The following CLIC6 variants were observed in gnomAD, a reference collection of about 807,000 sequenced individuals.
The protein encoded by CLIC6 is CLIC family member 6, also known as chloride intracellular channel protein 6.
In CLIC6, 39 loss-of-function variants were observed where a neutral mutation model predicts 49.2. The ratio of observed to expected loss-of-function variants is 0.79; its 90% CI spans 0.61 to 1.04. The LOEUF is 1.04. Among genes scored for constraint, CLIC6 ranks in the 50% least tolerant of loss-of-function variants. The probability of loss-of-function intolerance (pLI) is 0.00; values close to 1 mark genes in which losing one functional copy is unlikely to be tolerated. For synonymous variants in CLIC6, 446 were observed against 433.4 expected, an observed-to-expected ratio of 1.03 and a Z score of -0.36; for missense variants, 988 against 993.1, an observed-to-expected ratio of 0.99 and a Z score of 0.07.
chr21:34,708,138 C>A, intron 3 of CLIC6, 69 bp downstream of exon 3: 1 of 1,575,324 alleles, frequency 6.3e-7, no homozygotes, highest in Non-Finnish European at 8.7e-7. Context: ...AGTTCTAAAG[C>A]TCTGGGCAGT....
chr21:34,712,935 G>A (rs1375442828), intron 5 of CLIC6, among the ~76,000 whole-genome samples: 2 of 152,142 alleles, frequency 1.3e-5, no homozygotes, highest in Admixed American at 1.3e-4. Context: ...ACTCTAATGT[G>A]TCTCTCTGGG....
At chr21:34,693,689 G>A (rs1338028750) in intron 1 of CLIC6, among the ~76,000 whole-genome samples, 5 of 152,308 alleles carry the variant, frequency 3.3e-5, no homozygotes, top group East Asian at 1.9e-4. Context: ...TCCATTAGAA[G>A]CTGTGGCCCC....
chr21:34,679,214 G>A (rs910719985), intron 1 of CLIC6, among the ~76,000 whole-genome samples: 1 of 152,204 alleles, frequency 6.6e-6, no homozygotes, highest in African/African-American at 2.4e-5. Context: ...ACGGCAGAAG[G>A]GGAAGCAAAC....
chr21:34,679,466 A>G (rs1989735625), intron 1 of CLIC6, among the ~76,000 whole-genome samples: 1 of 152,116 alleles, frequency 6.6e-6, no homozygotes, highest in South Asian at 2.1e-4. Flanking sequence ...GCCCCTCCCA[A>G]ATCTCATGTC....
Position 34,670,463 on chromosome 21 carries a change from G to A in CLIC6, c.1075G>A (p.Val359Ile). 2.0e-6 allele frequency: 3 copies of A among 1,489,826 alleles called. No individual in the cohort carries two copies. Among genetic ancestry groups the A allele is most frequent in the Non-Finnish European group, 2.7e-6 (3 of 1,119,616 alleles). The allele number at this position is 1,489,826 out of a possible 1,614,324, so 92.3% of individuals were successfully genotyped here. A position where few individuals can be genotyped will look rare whatever the true frequency, so the allele number is the denominator to read the frequency against. The change falls in exon 1 of 6, where the codon GTA (valine) becomes ATA (isoleucine). Residue 359 changes from valine (V) to isoleucine (I), a missense_variant. Transcript: ENST00000349499. ...DARADAGEDRVGDGPQQEPGE... is the reference protein window; with the variant it reads ...DARADAGEDRIGDGPQQEPGE... ...AAGGGCAGACGCTGGCGAGGACAGGGTAGGGGATGGGCCACAGCAGGAGCC... is the reference window on the plus strand; with the variant it reads ...AAGGGCAGACGCTGGCGAGGACAGGATAGGGGATGGGCCACAGCAGGAGCC...
At chr21:34,705,085 G>A (rs1035911036) in intron 1 of CLIC6, among the ~76,000 whole-genome samples, 9 of 152,266 alleles carry the variant, frequency 5.9e-5, no homozygotes, top group East Asian at 1.9e-4. Context: ...GCCCCACTTC[G>A]CAGAACTTAT....
chr21:34,706,241 G>T (rs556815793), intron 1 of CLIC6, among the ~76,000 whole-genome samples: 6 of 152,174 alleles, frequency 3.9e-5, no homozygotes, highest in Admixed American at 2.6e-4. Context: ...GGCCAGAGCA[G>T]GAGCAAGAGA....
chr21:34,683,618 T>C (rs527392584), intron 1 of CLIC6, among the ~76,000 whole-genome samples: 114 of 152,234 alleles, frequency 7.5e-4, no homozygotes, highest in African/African-American at 2.7e-3. Context: ...TGGGAAGTGA[T>C]TGGATGATGG....
intron 5 of CLIC6, among the ~76,000 whole-genome samples, chr21:34,714,513 C>A (rs933767472): frequency 5.3e-5 from 8 of 151,870 alleles, no homozygotes; most frequent in Non-Finnish European, 1.0e-4. Flanking sequence ...AATGGTGAAA[C>A]CCCGTCTCTA....
At chr21:34,680,834 G>A (rs1281086096) in intron 1 of CLIC6, among the ~76,000 whole-genome samples, 2 of 152,180 alleles carry the variant, frequency 1.3e-5, no homozygotes, top group African/African-American at 2.4e-5. Context: ...CATTCAACAT[G>A]TCTGTAGGAA....
In CLIC6 at chr21:34,705,885, G is replaced by T; in HGVS notation, c.1375-1395G>T. The T allele has an allele frequency of 6.5e-6, 3 of 463,550 alleles. No homozygotes were observed. In the Admixed American group the frequency reaches 1.1e-4, roughly 17 times the overall value. 28.7% of individuals were successfully genotyped at this position (463,550 alleles called of 1,614,324 possible). On this transcript the variant is annotated intron_variant, in intron 1 of 5. Coordinates refer to ENST00000349499, the MANE Select transcript of CLIC6 (RefSeq NM_053277.3). ...CTAAGGCTGAACTTCTCACAGCATG[G>T]TTTCTGACCACTGGCATTGTATCAC...
intron 1 of CLIC6, among the ~76,000 whole-genome samples, chr21:34,691,040 C>T (rs1016134856): frequency 2.6e-5 from 4 of 152,132 alleles, no homozygotes; most frequent in African/African-American, 9.7e-5. Flanking sequence ...TAGTCACTCA[C>T]AGTGGAAAAT....
chr21:34,716,610 T>A lies in CLIC6; in HGVS notation c.*128T>A, dbSNP rs1452503516. 4.7e-6 allele frequency: 3 copies of A among 637,992 alleles called. No homozygotes were observed. The highest frequency in any genetic ancestry group is 7.5e-6 in the Non-Finnish European group (3 of 397,754). The allele number at this position is 637,992 out of a possible 1,614,324, so 39.5% of individuals were successfully genotyped here. ...AAAAAACTGGTCTCTGAGAGTTTTT[T>A]AAATCATTGAGAGCCTGTTTTTCTT... On this transcript the variant is annotated 3_prime_UTR_variant, in exon 6 of 6. Coordinates refer to ENST00000349499, the MANE Select transcript of CLIC6 (RefSeq NM_053277.3).
At chr21:34,679,398 T>C (rs758681700) in intron 1 of CLIC6, among the ~76,000 whole-genome samples, 4 of 152,154 alleles carry the variant, frequency 2.6e-5, no homozygotes, top group Admixed American at 6.5e-5. Context: ...TTGGGTATTA[T>C]TACAATTCGA....
chr21:34,709,651 G>C, intron 5 of CLIC6, 113 bp downstream of exon 5: 1 of 945,158 alleles, frequency 1.1e-6, no homozygotes. Flanking sequence ...TGGAGACTTG[G>C]ATTAAAAACA....
At chr21:34,713,258 A>G (rs1289981547) in intron 5 of CLIC6, among the ~76,000 whole-genome samples, 2 of 152,232 alleles carry the variant, frequency 1.3e-5, no homozygotes, top group African/African-American at 4.8e-5. Context: ...TTTCTTACAG[A>G]AATTTTTCTA....
chr21:34,702,275 C>A (rs1170212860), intron 1 of CLIC6, among the ~76,000 whole-genome samples: 1 of 152,176 alleles, frequency 6.6e-6, no homozygotes, highest in Non-Finnish European at 1.5e-5. Context: ...AGGGCTGAAA[C>A]CTGCCCGTGT....
At position 34,708,035 on chromosome 21, in the gene CLIC6, G is replaced by C. The variant is rs759018451; in HGVS notation, c.1576G>C (p.Glu526Gln). The C allele has an allele frequency of 6.2e-7, 1 of 1,614,096 alleles. No homozygotes were observed. The highest frequency in any genetic ancestry group is 1.7e-5 in the Admixed American group (1 of 60,018). ...AGTCAAGACGGATGTGAATAAGATC[G>C]AGGAGTTCTTAGAGGAGAAATTAGC... Reference protein sequence around the residue: ...GEVKTDVNKIEEFLEEKLAPP... With the variant: ...GEVKTDVNKIQEFLEEKLAPP... Residue 526 changes from glutamate (E) to glutamine (Q), a missense_variant, in exon 3 of 6, where the codon GAG (glutamate) becomes CAG (glutamine). Transcript: ENST00000349499.
chr21:34,709,597 GT>G (rs1601287708), intron 5 of CLIC6, 59 bp downstream of exon 5: 1 of 1,469,368 alleles, frequency 6.8e-7, no homozygotes, highest in Non-Finnish European at 9.4e-7. Flanking sequence ...GTTTTATTTT[GT>G]TTTTACTTGT....
Sources: gnomAD v4.1 joint callset for allele counts (sites outside exome capture counted in the v4.1 genomes callset) on GRCh38, gnomAD v4.1.1 for gene constraint, MANE v1.5 for transcripts, NCBI Gene and HGNC (gene_info 2026-07-23, HGNC 2026-07-21) for gene names.